ZC3H12B: variants seen among roughly 807,000 people sequenced by gnomAD.
The protein encoded by ZC3H12B is zinc finger CCCH-type containing 12B, also known as probable ribonuclease ZC3H12B.
A neutral mutation model predicts 43.9 loss-of-function variants in ZC3H12B; 7 were observed. The observed-to-expected ratio is 0.16, with a 90% CI of 0.09 to 0.30. The LOEUF (loss-of-function observed/expected upper bound fraction) is 0.30, where lower values mean the gene tolerates loss of function less well. Among genes scored for constraint, ZC3H12B ranks in the 10% least tolerant of loss-of-function variants. The pLI is 1.00. For missense variants in ZC3H12B, 475 were observed against 670.2 expected, an observed-to-expected ratio of 0.71 and a Z score of 3.22; for synonymous variants, 222 against 241.7, an observed-to-expected ratio of 0.92 and a Z score of 0.76.
the ZC3H12B span, among the ~76,000 whole-genome samples, chrX:65,248,769 C>T: frequency 7.2e-5 from 8 of 111,824 alleles, no homozygotes; most frequent in South Asian, 3.8e-4. Flanking sequence ...TTGATTATGG[C>T]CATTCGTGCA....
upstream of ZC3H12B, among the ~76,000 whole-genome samples, chrX:65,366,081 G>A (rs1331796866): frequency 1.8e-5 from 2 of 110,056 alleles, no homozygotes; most frequent in Non-Finnish European, 3.8e-5. Flanking sequence ...GTCTCAATTT[G>A]GCTTTTATTG....
the ZC3H12B span, among the ~76,000 whole-genome samples, chrX:65,075,526 G>T: frequency 4.5e-5 from 5 of 111,951 alleles, no homozygotes; most frequent in East Asian, 5.7e-4. Flanking sequence ...TGAGAGAGAT[G>T]AGAAAGAAAC....
At chrX:65,394,125 C>T (rs1170168968) in intron 2 of ZC3H12B, among the ~76,000 whole-genome samples, 1 of 111,988 alleles carries the variant, frequency 8.9e-6, no homozygotes, top group Non-Finnish European at 1.9e-5. Flanking sequence ...TGATAGATTG[C>T]AAAAATTTTC....
At chrX:65,228,051 G>A in the ZC3H12B span, among the ~76,000 whole-genome samples, 1 of 111,638 alleles carries the variant, frequency 9.0e-6, no homozygotes, top group African/African-American at 3.3e-5. Context: ...GCATCATCTT[G>A]ATACTAAAGC....
At chrX:65,345,458 A>G in the ZC3H12B span, among the ~76,000 whole-genome samples, 1 of 111,805 alleles carries the variant, frequency 8.9e-6, no homozygotes, top group Non-Finnish European at 1.9e-5. Context: ...AGAAAACCAA[A>G]TATAGCTTGT....
At chrX:65,140,721 A>G in the ZC3H12B span, among the ~76,000 whole-genome samples, 1 of 111,749 alleles carries the variant, frequency 8.9e-6, no homozygotes, top group Non-Finnish European at 1.9e-5. Flanking sequence ...TGATTGGATA[A>G]TTTTTATTAG....
chrX:65,328,303 G>T, the ZC3H12B span: 3 of 249,182 alleles, frequency 1.2e-5, no homozygotes, highest in East Asian at 3.0e-4. Flanking sequence ...TTTATCCCTG[G>T]CATAACTTCA....
At chrX:65,436,893 C>T (rs2067228272) in intron 3 of ZC3H12B, among the ~76,000 whole-genome samples, 1 of 110,914 alleles carries the variant, frequency 9.0e-6, no homozygotes, top group Admixed American at 9.6e-5. Context: ...TGGTTATTGG[C>T]TTTAGTCATC....
the ZC3H12B span, among the ~76,000 whole-genome samples, chrX:65,261,269 G>T: frequency 9.0e-6 from 1 of 111,557 alleles, no homozygotes; most frequent in Non-Finnish European, 1.9e-5. Flanking sequence ...AAATTTGAAA[G>T]TAAAGTTTTC....
the ZC3H12B span, among the ~76,000 whole-genome samples, chrX:65,353,838 A>G: frequency 1.8e-5 from 2 of 111,532 alleles, no homozygotes; most frequent in African/African-American, 3.3e-5. Context: ...AGTGTAAACA[A>G]AGTCACCGGG....
At chrX:65,354,094 C>T in the ZC3H12B span, among the ~76,000 whole-genome samples, 1 of 112,060 alleles carries the variant, frequency 8.9e-6, no homozygotes, top group Non-Finnish European at 1.9e-5. Flanking sequence ...ACCAGATCTC[C>T]CAGCACAGCG....
At chrX:65,105,902 G>A in the ZC3H12B span, among the ~76,000 whole-genome samples, 44 of 111,704 alleles carry the variant, frequency 3.9e-4, no homozygotes, top group South Asian at 1.5e-3. Flanking sequence ...CCATTTACTG[G>A]ATGAGTCTGC....
At chrX:65,052,587 T>G in the ZC3H12B span, among the ~76,000 whole-genome samples, 1 of 111,542 alleles carries the variant, frequency 9.0e-6, no homozygotes, top group South Asian at 3.8e-4. Context: ...CAGTTCCATC[T>G]ATGTCACTGC....
chrX:65,356,471 T>C, the ZC3H12B span, among the ~76,000 whole-genome samples: 1 of 112,084 alleles, frequency 8.9e-6, no homozygotes, highest in Non-Finnish European at 1.9e-5. Context: ...TTTTGCTTTC[T>C]TCACTGAATA....
At chrX:65,454,798 G>A (rs1477123293) in intron 3 of ZC3H12B, among the ~76,000 whole-genome samples, 1 of 111,657 alleles carries the variant, frequency 9.0e-6, no homozygotes, top group African/African-American at 3.3e-5. Flanking sequence ...GGAAAGATCA[G>A]GCAGCAACAT....
the ZC3H12B span, among the ~76,000 whole-genome samples, chrX:65,304,140 T>G: frequency 8.9e-6 from 1 of 112,052 alleles, no homozygotes; most frequent in Non-Finnish European, 1.9e-5. Context: ...GACTTAGAAA[T>G]CTAACTTATT....
the ZC3H12B span, among the ~76,000 whole-genome samples, chrX:65,174,762 G>A: frequency 9.0e-6 from 1 of 111,581 alleles, no homozygotes; most frequent in African/African-American, 3.3e-5. Flanking sequence ...TCAGACTGCT[G>A]TGCTCGCAGT....
At chrX:65,242,213 G>T in the ZC3H12B span, among the ~76,000 whole-genome samples, 4 of 110,697 alleles carry the variant, frequency 3.6e-5, no homozygotes, top group Non-Finnish European at 5.7e-5. Context: ...CAAATGCGAG[G>T]ACCTGGATAT....
intron 3 of ZC3H12B, among the ~76,000 whole-genome samples, chrX:65,438,810 C>T (rs1402204136): frequency 8.8e-6 from 1 of 113,268 alleles, no homozygotes; most frequent in Non-Finnish European, 1.9e-5. Context: ...TTGCCCTCAT[C>T]CCCATAAACC....
Sources: gnomAD v4.1 joint callset for allele counts (sites outside exome capture counted in the v4.1 genomes callset) on GRCh38, gnomAD v4.1.1 for gene constraint, MANE v1.5 for transcripts, NCBI Gene and HGNC (gene_info 2026-07-23, HGNC 2026-07-21) for gene names.